Variants in PHYHIPL observed in about 807,000 individuals in gnomAD.
PHYHIPL encodes the protein phytanoyl-CoA hydroxylase-interacting protein-like.
In PHYHIPL, 9 loss-of-function variants were observed where a neutral mutation model predicts 33.4. The observed-to-expected ratio is 0.27, with a 90% confidence interval of 0.16 to 0.47. The LOEUF is 0.47. PHYHIPL is among the 20% of genes least tolerant of loss of function. PHYHIPL has a pLI of 0.99. For synonymous variants in PHYHIPL, 153 were observed against 154.1 expected, an observed-to-expected ratio of 0.99 and a Z score of 0.05; for missense variants, 365 against 460.7, an observed-to-expected ratio of 0.79 and a Z score of 1.90.
At chr10:59,208,232 C>T (rs1839344071) in intron 1 of PHYHIPL, among the ~76,000 whole-genome samples, 1 of 152,158 alleles carries the variant, frequency 6.6e-6, no homozygotes, top group Non-Finnish European at 1.5e-5. Flanking sequence ...AAGGAACAGG[C>T]AGCAATCTTT....
At chr10:59,242,650 A>C (rs11819526) in intron 4 of PHYHIPL, among the ~76,000 whole-genome samples, 13,938 of 152,204 alleles carry the variant, frequency 0.092, 849 homozygotes, top group South Asian at 0.2. Flanking sequence ...ATGGTTCAAG[A>C]AGCACATACT....
At chr10:59,193,633 T>C (rs139340160) in intron 1 of PHYHIPL, among the ~76,000 whole-genome samples, 29 of 152,278 alleles carry the variant, frequency 1.9e-4, no homozygotes, top group Non-Finnish European at 2.1e-4. Flanking sequence ...TTTAAACTTA[T>C]TTTTCTTGCA....
At chr10:59,224,213 G>T (rs1315388226) in intron 1 of PHYHIPL, among the ~76,000 whole-genome samples, 1 of 152,102 alleles carries the variant, frequency 6.6e-6, no homozygotes, top group African/African-American at 2.4e-5. Context: ...ATGGTACTGG[G>T]TCTTAGACTT....
intron 1 of PHYHIPL, among the ~76,000 whole-genome samples, chr10:59,214,834 T>C (rs1839567219): frequency 1.3e-5 from 2 of 152,014 alleles, no homozygotes; most frequent in Non-Finnish European, 2.9e-5. Context: ...GGTATTGAAA[T>C]GCTATTTTCT....
intron 1 of PHYHIPL, among the ~76,000 whole-genome samples, chr10:59,200,810 A>C (rs1446910296): frequency 6.6e-6 from 1 of 152,166 alleles, no homozygotes; most frequent in South Asian, 2.1e-4. Context: ...CGAAGAATTT[A>C]TCCATTTCTC....
intron 1 of PHYHIPL, among the ~76,000 whole-genome samples, chr10:59,206,096 T>C (rs1169296151): frequency 6.6e-6 from 1 of 152,202 alleles, no homozygotes; most frequent in Admixed American, 6.5e-5. Context: ...AGCAATTGAA[T>C]CCTGGTGTTT....
At chr10:59,216,439 C>A (rs946991063) in intron 1 of PHYHIPL, among the ~76,000 whole-genome samples, 5 of 152,114 alleles carry the variant, frequency 3.3e-5, no homozygotes, top group African/African-American at 1.2e-4. Flanking sequence ...TCGGGAGGAT[C>A]CTCTGGAATA....
chr10:59,203,742 G>T (rs1190113058), intron 1 of PHYHIPL, among the ~76,000 whole-genome samples: 7 of 118,438 alleles, frequency 5.9e-5, no homozygotes, highest in Non-Finnish European at 1.1e-4. Context: ...ACAGGGTGGG[G>T]AACATCACAC....
intron 1 of PHYHIPL, among the ~76,000 whole-genome samples, chr10:59,183,015 ACTTTT>A (rs1838453368): frequency 1.3e-5 from 2 of 152,182 alleles, no homozygotes; most frequent in African/African-American, 4.8e-5. Flanking sequence ...TGTCCTAAGC[ACTTTT>A]CTAGAGGCAT....
At chr10:59,206,881 T>G in intron 1 of PHYHIPL, 1 of 880,676 alleles carries the variant, frequency 1.1e-6, no homozygotes, top group South Asian at 3.0e-5. Flanking sequence ...GTCATGTTTT[T>G]GACTTCCCCA....
intron 1 of PHYHIPL, among the ~76,000 whole-genome samples, chr10:59,180,580 T>C (rs2133177068): frequency 6.6e-6 from 1 of 152,056 alleles, no homozygotes; most frequent in South Asian, 2.1e-4. Flanking sequence ...ATAGGGTTTA[T>C]GATGTAGTCA....
rs544280000 is a variant in PHYHIPL at position 59,223,235 on chromosome 10, A to G, written c.107-11069A>G. Among the ~76,000 whole-genome samples the G allele has an allele frequency of 7.2e-5, 11 of 152,300 alleles. No homozygotes were observed. The South Asian group carries it at 2.3e-3, about 32-fold the overall frequency. ...AAAAATTTGTACGGGCCTTTGGCTT[A>G]ATTCAGAGATCTGCCCATGGGGTTC... is the stretch of plus-strand genomic sequence containing the variant. On this transcript the variant is annotated intron_variant, in intron 1 of 4. Coordinates refer to ENST00000373880, the MANE Select transcript of PHYHIPL (RefSeq NM_032439.4).
At chr10:59,207,451 C>T (rs1056578840) in intron 1 of PHYHIPL, among the ~76,000 whole-genome samples, 1 of 152,208 alleles carries the variant, frequency 6.6e-6, no homozygotes, top group Admixed American at 6.5e-5. Flanking sequence ...GAGATTCCCT[C>T]AGGTGTCTCT....
At chr10:59,186,560 A>T (rs936732880) in intron 1 of PHYHIPL, among the ~76,000 whole-genome samples, 1 of 152,118 alleles carries the variant, frequency 6.6e-6, no homozygotes, top group African/African-American at 2.4e-5. Context: ...CTTGGGCAGT[A>T]TGGCCATTTT....
At chr10:59,244,898 A>G (rs972134098) in intron 4 of PHYHIPL, among the ~76,000 whole-genome samples, 159 bp from the exon 5 acceptor site, 1 of 152,188 alleles carries the variant, frequency 6.6e-6, no homozygotes, top group Admixed American at 6.5e-5. Context: ...ACAGCCATCT[A>G]TAGGTAATAT....
At chr10:59,234,054 A>C (rs1016963660) in intron 1 of PHYHIPL, among the ~76,000 whole-genome samples, 1 of 151,816 alleles carries the variant, frequency 6.6e-6, no homozygotes, top group African/African-American at 2.4e-5. Flanking sequence ...GTCATGTAGA[A>C]AAATAGGCTC....
At chr10:59,215,261 A>G (rs1839582411) in intron 1 of PHYHIPL, among the ~76,000 whole-genome samples, 1 of 151,990 alleles carries the variant, frequency 6.6e-6, no homozygotes, top group Non-Finnish European at 1.5e-5. Context: ...ATCTACAGAA[A>G]AGATCATTGC....
chr10:59,185,557 T>G (rs1450685438), intron 1 of PHYHIPL, among the ~76,000 whole-genome samples: 1 of 152,228 alleles, frequency 6.6e-6, no homozygotes, highest in East Asian at 1.9e-4. Flanking sequence ...TCCACAATGG[T>G]TGAACTAGTT....
Position 59,236,629 on chromosome 10 carries a change from G to C in PHYHIPL, c.450G>C (p.Trp150Cys). 6.2e-7 allele frequency: 1 copy of C among 1,605,280 alleles called. No individual in the cohort carries two copies. Among genetic ancestry groups the C allele is most frequent in the Non-Finnish European group, 8.5e-7 (1 of 1,175,502 alleles). Reference protein sequence around the residue: ...QVDGDYVVSEWSEIIEFCTAD... With the variant: ...QVDGDYVVSECSEIIEFCTAD... ...ATGGTGATTATGTTGTGTCTGAATGGAGTGAAATTATAGAATTCTGCACCG... is the reference window on the plus strand; with the variant it reads ...ATGGTGATTATGTTGTGTCTGAATGCAGTGAAATTATAGAATTCTGCACCG... Residue 150 changes from tryptophan (W) to cysteine (C), a missense_variant, in exon 3 of 5, where the codon TGG becomes TGC. Coordinates refer to ENST00000373880, the MANE Select transcript of PHYHIPL (RefSeq NM_032439.4).
Sources: gnomAD v4.1 joint callset for allele counts (sites outside exome capture counted in the v4.1 genomes callset) on GRCh38, gnomAD v4.1.1 for gene constraint, MANE v1.5 for transcripts, NCBI Gene and HGNC (gene_info 2026-07-23, HGNC 2026-07-21) for gene names.